PTH2R: variants seen among roughly 807,000 people sequenced by gnomAD.
PTH2R encodes the protein PTH2 receptor.
In PTH2R, 59 loss-of-function variants were observed where a neutral mutation model predicts 60.3. The observed-to-expected ratio is 0.98, with a 90% CI of 0.79 to 1.22. The LOEUF (loss-of-function observed/expected upper bound fraction) is 1.22. PTH2R is among the 50% of genes most tolerant of loss of function. The pLI, the probability that PTH2R is intolerant of heterozygous loss-of-function variation, is 0.00. For synonymous variants in PTH2R, 256 were observed against 243.8 expected, an observed-to-expected ratio of 1.05 and a Z score of -0.47; for missense variants, 749 against 682.6, an observed-to-expected ratio of 1.10 and a Z score of -1.08.
intron 2 of PTH2R, among the ~76,000 whole-genome samples, chr2:208,432,746 C>T (rs914434460): frequency 1.7e-4 from 26 of 152,138 alleles, no homozygotes; most frequent in Admixed American, 9.8e-4. Context: ...TCCAAGAGTC[C>T]AAAGGCCGAA....
chr2:208,363,727 G>A (rs548155405), intron 1 of PTH2R, among the ~76,000 whole-genome samples: 69 of 152,094 alleles, frequency 4.5e-4, no homozygotes, highest in South Asian at 2.3e-3. Flanking sequence ...ATATGAGATC[G>A]TATCTCTCTG....
At chr2:208,401,397 A>G (rs189380566) in intron 1 of PTH2R, among the ~76,000 whole-genome samples, 54 of 151,622 alleles carry the variant, frequency 3.6e-4, no homozygotes, top group African/African-American at 1.2e-3. Context: ...CCTTCCCACT[A>G]CTATCAACAC....
chr2:208,490,596 G>A (rs370796672), intron 11 of PTH2R, 43 bp from the exon 12 acceptor site: 3 of 1,589,264 alleles, frequency 1.9e-6, no homozygotes, highest in African/African-American at 2.7e-5. Flanking sequence ...AGTGCTGTGA[G>A]TTTCTGAGTT....
chr2:208,428,071 A>T (rs1701893608), intron 1 of PTH2R, 130 bp from the exon 2 acceptor site: 3 of 651,462 alleles, frequency 4.6e-6, no homozygotes, highest in South Asian at 2.5e-5. Flanking sequence ...TTTGATTCAG[A>T]TAAAGGACTA....
intron 9 of PTH2R, among the ~76,000 whole-genome samples, chr2:208,479,476 C>A (rs1703095696): frequency 6.6e-6 from 1 of 152,238 alleles, no homozygotes; most frequent in Non-Finnish European, 1.5e-5. Flanking sequence ...TTCACCTCAG[C>A]TACATCGTAT....
At chr2:208,390,677 T>C (rs907502444) in intron 1 of PTH2R, among the ~76,000 whole-genome samples, 3 of 152,188 alleles carry the variant, frequency 2.0e-5, no homozygotes, top group African/African-American at 7.2e-5. Context: ...TAATTGAGAT[T>C]CTCTGTCTGA....
intron 1 of PTH2R, among the ~76,000 whole-genome samples, chr2:208,398,139 A>G (rs1701246785): frequency 6.6e-6 from 1 of 152,208 alleles, no homozygotes; most frequent in African/African-American, 2.4e-5. Context: ...AAGTCATAGA[A>G]AAGACTGAAT....
At chr2:208,468,895 A>G (rs1374638125) in intron 9 of PTH2R, among the ~76,000 whole-genome samples, 1 of 152,216 alleles carries the variant, frequency 6.6e-6, no homozygotes, top group South Asian at 2.1e-4. Context: ...TGACCACTCA[A>G]TAAATACTTG....
At chr2:208,468,079 T>A (rs1053261603) in intron 9 of PTH2R, among the ~76,000 whole-genome samples, 6 of 152,188 alleles carry the variant, frequency 3.9e-5, no homozygotes, top group African/African-American at 1.4e-4. Context: ...AAAACTCTCC[T>A]ATATATTTTC....
At chr2:208,480,489 T>C (rs926933780) in intron 9 of PTH2R, among the ~76,000 whole-genome samples, 1 of 152,186 alleles carries the variant, frequency 6.6e-6, no homozygotes, top group Non-Finnish European at 1.5e-5. Context: ...TCCCTCCCCT[T>C]TTAAAAGCCA....
At chr2:208,388,400 T>A (rs1007430629) in intron 1 of PTH2R, among the ~76,000 whole-genome samples, 12 of 152,102 alleles carry the variant, frequency 7.9e-5, no homozygotes, top group African/African-American at 2.7e-4. Flanking sequence ...CACAGATACT[T>A]CCAAAAAGGT....
In PTH2R at chr2:208,458,974, A is replaced by G. The variant is rs141414297; in HGVS notation, c.915-921A>G. ...TATTCCTCTGGGAATATGCCCAGTA[A>G]TGGGATTGCTGGGTTGAATGGTAGT... On this transcript the variant is annotated intron_variant, in intron 8 of 12. Coordinates refer to ENST00000272847, the MANE Select transcript of PTH2R (RefSeq NM_005048.4). Among the ~76,000 whole-genome samples the G allele has an allele frequency of 6.7e-3, 1,011 of 150,710 alleles. 13 individuals are homozygous for G. Among genetic ancestry groups the G allele is most frequent in the African/African-American group, 0.023 (942 of 41,262 alleles).
chr2:208,409,711 G>A (rs1247022657), intron 1 of PTH2R, among the ~76,000 whole-genome samples: 3 of 152,050 alleles, frequency 2.0e-5, no homozygotes, highest in Non-Finnish European at 2.9e-5. Context: ...TGTGGTTTCT[G>A]GTTGGTAAAG....
chr2:208,476,445 A>T (rs1462518812), intron 9 of PTH2R, among the ~76,000 whole-genome samples: 2 of 152,190 alleles, frequency 1.3e-5, no homozygotes, highest in Non-Finnish European at 2.9e-5. Flanking sequence ...TGCCATAGAA[A>T]CTGTCTCCAA....
intron 8 of PTH2R, among the ~76,000 whole-genome samples, chr2:208,451,893 T>C (rs1393920410): frequency 6.6e-6 from 1 of 152,172 alleles, no homozygotes; most frequent in African/African-American, 2.4e-5. Context: ...CATTTAAGTG[T>C]AAAGGGTACA....
chr2:208,377,473 C>T (rs1445581758), intron 1 of PTH2R, among the ~76,000 whole-genome samples: 1 of 150,496 alleles, frequency 6.6e-6, no homozygotes, highest in Non-Finnish European at 1.5e-5. Flanking sequence ...CCCCACCTCC[C>T]GGATGGGGCG....
intron 1 of PTH2R, among the ~76,000 whole-genome samples, chr2:208,375,985 C>T (rs1700784869): frequency 6.6e-6 from 1 of 152,042 alleles, no homozygotes; most frequent in South Asian, 2.1e-4. Flanking sequence ...TCCATGAAGC[C>T]GAAATAGGTT....
intron 1 of PTH2R, among the ~76,000 whole-genome samples, chr2:208,425,647 G>A (rs961037748): frequency 6.6e-6 from 1 of 152,292 alleles, no homozygotes; most frequent in South Asian, 2.1e-4. Context: ...GCTTGTCTTT[G>A]AATTCTTCCC....
chr2:208,437,961 A>G lies in PTH2R; in HGVS notation c.411+80A>G, dbSNP rs554548016. On this transcript the variant is annotated intron_variant, in intron 4 of 12. Transcript: ENST00000272847. ...ATGCAATTCTCAATTGCCAGCCATT[A>G]TGTATAAAAACCCTCTTATTCCACG... The G allele has an allele frequency of 4.8e-4, 740 of 1,541,368 alleles. 13 individuals are homozygous for G. The South Asian group carries it at 8.1e-3, about 17-fold the overall frequency.
Sources: gnomAD v4.1 joint callset for allele counts (sites outside exome capture counted in the v4.1 genomes callset) on GRCh38, gnomAD v4.1.1 for gene constraint, MANE v1.5 for transcripts, NCBI Gene and HGNC (gene_info 2026-07-23, HGNC 2026-07-21) for gene names.